BDKRB1: variants seen among roughly 807,000 people sequenced by gnomAD.
BDKRB1 encodes the protein bradykinin receptor B1, also known as B1 bradykinin receptor.
For missense variants in BDKRB1, 414 were observed against 441.4 expected, an observed-to-expected ratio of 0.94 and a Z score of 0.56; for synonymous variants, 192 against 189.1, an observed-to-expected ratio of 1.02 and a Z score of -0.13.
intron 1 of BDKRB1, among the ~76,000 whole-genome samples, chr14:96,260,123 C>T (rs1311129822): frequency 6.6e-6 from 1 of 151,258 alleles, no homozygotes. Flanking sequence ...CTCCTAGGTT[C>T]AAGCAATTCT....
At position 96,264,013 on chromosome 14, in the gene BDKRB1, C is replaced by G. The variant is rs763306097; in HGVS notation, c.331C>G (p.Arg111Gly). 2 of 1,614,192 alleles carry G rather than the reference C, an allele frequency of 1.2e-6. No homozygotes were observed. Among genetic ancestry groups the G allele is most frequent in the Admixed American group, 1.7e-5 (1 of 60,030 alleles). Residue 111 changes from arginine to glycine, a missense_variant, in exon 3 of 3, where the codon CGT becomes GGT. Physicochemically the swap from Arg to Gly is moderately radical, Grantham distance 125. Transcript: ENST00000216629. ...CTGGCCTTTCGGAGCCCTCCTCTGC[C>G]GTGTCATCAACGGGGTCATCAAGGC... ...FNWPFGALLCRVINGVIKANL... is the reference protein window; with the variant it reads ...FNWPFGALLCGVINGVIKANL...
At chr14:96,259,221 A>G (rs1885686971) in intron 1 of BDKRB1, among the ~76,000 whole-genome samples, 1 of 152,226 alleles carries the variant, frequency 6.6e-6, no homozygotes, top group African/African-American at 2.4e-5. Context: ...ATTCAACGAA[A>G]ATTTATAGAT....
chr14:96,263,114 G>A (rs1885796730), intron 2 of BDKRB1, among the ~76,000 whole-genome samples: 1 of 152,136 alleles, frequency 6.6e-6, no homozygotes, highest in Admixed American at 6.5e-5. Flanking sequence ...GCTCTGTCCT[G>A]CATATCTCCA....
chr14:96,256,319 T>C lies in BDKRB1; in HGVS notation c.-130+19T>C, dbSNP rs1262063834. ...TGCCTGAGTAAGTAAATGACCACCT[T>C]TTTTTTTTCTTTTATGAGAGTACAA... is the stretch of plus-strand genomic sequence containing the variant. On this transcript the variant is annotated intron_variant, in intron 1 of 2. Coordinates refer to ENST00000216629, the MANE Select transcript of BDKRB1 (RefSeq NM_000710.4). 1.4e-5 allele frequency: 2 copies of C among 147,390 alleles called. No individual in the cohort carries two copies. Among genetic ancestry groups the C allele is most frequent in the Admixed American group, 1.3e-4 (2 of 14,990 alleles). 9.1% of individuals were successfully genotyped at this position (147,390 alleles called of 1,614,324 possible). A position where few individuals can be genotyped will look rare whatever the true frequency, so the allele number is the denominator to read the frequency against.
intron 2 of BDKRB1, 24 bp downstream of exon 2, chr14:96,262,794 A>T (rs1885788889): frequency 5.3e-6 from 2 of 376,722 alleles, no homozygotes; most frequent in Non-Finnish European, 1.0e-5. Context: ...TGCCCAGCTA[A>T]TTTTTGTATT....
intron 1 of BDKRB1, among the ~76,000 whole-genome samples, chr14:96,259,219 A>C (rs1449461615): frequency 6.6e-6 from 1 of 152,220 alleles, no homozygotes; most frequent in Non-Finnish European, 1.5e-5. Flanking sequence ...AAATTCAACG[A>C]AAATTTATAG....
intron 1 of BDKRB1, among the ~76,000 whole-genome samples, chr14:96,258,450 A>C (rs35702135): frequency 0.022 from 3,301 of 152,318 alleles, 112 homozygotes; most frequent in African/African-American, 0.074. Context: ...TCTGAGTGAT[A>C]AGCTCTCAGC....
intron 1 of BDKRB1, among the ~76,000 whole-genome samples, chr14:96,260,369 G>C (rs1179754434): frequency 6.6e-6 from 1 of 152,142 alleles, no homozygotes; most frequent in African/African-American, 2.4e-5. Context: ...GCAGCTCTGT[G>C]TCTTAGGTTT....
In BDKRB1 at chr14:96,264,575, A is replaced by G; in HGVS notation, c.893A>G (p.Asn298Ser). Residue 298 changes from asparagine (N) to serine (S), a missense_variant, in exon 3 of 3, where the codon AAC becomes AGC. Transcript: ENST00000216629. Reference protein sequence around the residue: ...DFIDLGLQLANFFAFTNSSLN... With the variant: ...DFIDLGLQLASFFAFTNSSLN... ...ATTGACCTGGGCCTGCAATTGGCCA[A>G]CTTCTTTGCCTTCACTAACAGCTCC... 1 of 1,614,214 alleles carries G rather than the reference A, an allele frequency of 6.2e-7. No individual in the cohort carries two copies. Among genetic ancestry groups the G allele is most frequent in the Non-Finnish European group, 8.5e-7 (1 of 1,180,050 alleles).
chr14:96,264,200 T>G lies in BDKRB1; in HGVS notation c.518T>G (p.Phe173Cys), dbSNP rs1308472109. The part of the protein sequence containing the change: ...VVGGLLSIPT[F>C]LLRSIQAVPD... ...GGGGGCCTCTTGAGCATCCCCACAT[T>G]CCTGCTGCGATCCATCCAAGCCGTC... The change falls in exon 3 of 3, where the codon TTC becomes TGC. Residue 173 changes from phenylalanine (F) to cysteine (C), a missense_variant. Transcript: ENST00000216629. 3.1e-6 allele frequency: 5 copies of G among 1,612,878 alleles called. No individual in the cohort carries two copies. The highest frequency in any genetic ancestry group is 4.5e-5 in the East Asian group (2 of 44,866).
chr14:96,262,952 A>G (rs1304881308), intron 2 of BDKRB1, among the ~76,000 whole-genome samples, 182 bp downstream of exon 2: 1 of 152,022 alleles, frequency 6.6e-6, no homozygotes, highest in East Asian at 1.9e-4. Context: ...TCAAGCCTGT[A>G]AGAGGAACCT....
intron 1 of BDKRB1, 138 bp from the exon 2 acceptor site, chr14:96,262,514 G>C (rs1207324268): frequency 2.7e-6 from 1 of 365,336 alleles, no homozygotes; most frequent in Non-Finnish European, 5.2e-6. Flanking sequence ...CTGGAACACA[G>C]ACCATTAATA....
chr14:96,263,356 A>C (rs1474913788), intron 2 of BDKRB1, among the ~76,000 whole-genome samples: 1 of 152,180 alleles, frequency 6.6e-6, no homozygotes, highest in Non-Finnish European at 1.5e-5. Context: ...AGTAAAAGTC[A>C]ATGGTTCTAA....
intron 1 of BDKRB1, among the ~76,000 whole-genome samples, chr14:96,259,189 T>C (rs1885685781): frequency 1.3e-5 from 2 of 152,226 alleles, no homozygotes; most frequent in Non-Finnish European, 2.9e-5. Context: ...TGACTAAATA[T>C]TTCCAACTGA....
rs373631625 is a variant in BDKRB1, at chr14:96,264,711, G to A, written c.1029G>A (p.Arg343=). Residue 343 remains arginine, a synonymous_variant, in exon 3 of 3, where the codon AGG becomes AGA. Transcript: ENST00000216629. Reference sequence around the variant, plus strand: ...TTGCTCCAATATCTTCATCCCATAGGAAAGAAATCTTCCAACTTTTCTGGC... The same window carrying A: ...TTGCTCCAATATCTTCATCCCATAGAAAAGAAATCTTCCAACTTTTCTGGC... The part of the protein sequence containing the change: ...KSLAPISSSH[R]KEIFQLFWRN The A allele has an allele frequency of 1.2e-6, 2 of 1,609,128 alleles. No individual in the cohort carries two copies. Among genetic ancestry groups the A allele is most frequent in the Non-Finnish European group, 8.5e-7 (1 of 1,178,492 alleles).
intron 1 of BDKRB1, among the ~76,000 whole-genome samples, chr14:96,258,667 C>A (rs1262501101): frequency 1.3e-5 from 2 of 152,070 alleles, no homozygotes; most frequent in Non-Finnish European, 2.9e-5. Context: ...ATTACAGGCG[C>A]CTGCCACCAT....
chr14:96,264,074 T>G lies in BDKRB1; in HGVS notation c.392T>G (p.Ile131Ser). ...ATCAGCATCTTCCTGGTGGTGGCCATCAGCCAGGACCGCTACCGCGTGCTG... is the reference window on the plus strand; with the variant it reads ...ATCAGCATCTTCCTGGTGGTGGCCAGCAGCCAGGACCGCTACCGCGTGCTG... ...LFISIFLVVA[I>S]SQDRYRVLVH... Residue 131 changes from isoleucine to serine, a missense_variant, in exon 3 of 3, where the codon ATC becomes AGC. By Grantham distance (142) the Ile-to-Ser change is moderately radical. Transcript: ENST00000216629. The G allele has an allele frequency of 3.1e-6, 5 of 1,610,932 alleles. No individual in the cohort carries two copies. The highest frequency in any genetic ancestry group is 4.2e-6 in the Non-Finnish European group (5 of 1,178,490).
chr14:96,256,346 A>G (rs943921917), intron 1 of BDKRB1, 46 bp downstream of exon 1: 1 of 152,046 alleles, frequency 6.6e-6, no homozygotes. Flanking sequence ...AGAGTACAAT[A>G]TGAGAGGAAA....
chr14:96,263,732 A>G lies in BDKRB1; in HGVS notation c.50A>G (p.Gln17Arg), dbSNP rs1885812282. ...GAGCTCCAATCCTCCAACCAGAGCCAGCTCTTCCCTCAAAATGCTACGGCC... is the reference window on the plus strand; with the variant it reads ...GAGCTCCAATCCTCCAACCAGAGCCGGCTCTTCCCTCAAAATGCTACGGCC... ...PLELQSSNQS[Q>R]LFPQNATACD... Residue 17 changes from glutamine (Q) to arginine (R), a missense_variant, in exon 3 of 3, where the codon CAG (glutamine) becomes CGG (arginine). Coordinates refer to ENST00000216629, the MANE Select transcript of BDKRB1 (RefSeq NM_000710.4). 6.2e-7 allele frequency: 1 copy of G among 1,614,210 alleles called. No individual in the cohort carries two copies. Among genetic ancestry groups the G allele is most frequent in the Admixed American group, 1.7e-5 (1 of 60,028 alleles).
Sources: gnomAD v4.1 joint callset for allele counts (sites outside exome capture counted in the v4.1 genomes callset) on GRCh38, gnomAD v4.1.1 for gene constraint, MANE v1.5 for transcripts, NCBI Gene and HGNC (gene_info 2026-07-23, HGNC 2026-07-21) for gene names.